FER: variants seen among roughly 807,000 people sequenced by gnomAD.
FER encodes the protein FER tyrosine kinase.
In FER, 63 loss-of-function variants were observed where a neutral mutation model predicts 111.0. That is an observed-to-expected ratio of 0.57 (90% CI 0.46 to 0.70). FER has a LOEUF of 0.70. Among genes scored for constraint, FER ranks in the 30% least tolerant of loss-of-function variants. The pLI, the probability that FER is intolerant of heterozygous loss-of-function variation, is 0.00. For synonymous variants in FER, 327 were observed against 313.9 expected (o/e 1.04, Z -0.44); for missense variants, 914 against 954.0 (o/e 0.96, Z 0.55).
intron 3 of FER, among the ~76,000 whole-genome samples, chr5:108,816,132 A>T (rs951689316): frequency 6.6e-6 from 1 of 152,206 alleles, no homozygotes; most frequent in Non-Finnish European, 1.5e-5. Flanking sequence ...CAAAAAAAAA[A>T]CCATGAGTTT....
intron 13 of FER, among the ~76,000 whole-genome samples, chr5:108,964,549 T>C (rs1056905637): frequency 1.3e-5 from 2 of 151,944 alleles, no homozygotes; most frequent in Non-Finnish European, 2.9e-5. Context: ...ACTACAGAGG[T>C]TAGTATGGCT....
intron 17 of FER, among the ~76,000 whole-genome samples, chr5:109,143,347 T>C (rs1288810720): frequency 6.6e-6 from 1 of 152,146 alleles, no homozygotes; most frequent in African/African-American, 2.4e-5. Flanking sequence ...AAAGATAGAT[T>C]GTCTAATCAG....
chr5:109,018,782 C>G (rs1231099075), intron 13 of FER, among the ~76,000 whole-genome samples: 1 of 151,718 alleles, frequency 6.6e-6, no homozygotes, highest in South Asian at 2.1e-4. Context: ...AAAATATGAA[C>G]CTTTAGAAGG....
intron 3 of FER, among the ~76,000 whole-genome samples, chr5:108,827,483 C>T (rs1026827806): frequency 1.3e-5 from 2 of 152,098 alleles, no homozygotes; most frequent in Non-Finnish European, 2.9e-5. Flanking sequence ...TGTCAAAGTT[C>T]TCATAAGTTA....
chr5:108,934,554 T>C (rs36071908), intron 10 of FER, among the ~76,000 whole-genome samples: 5,382 of 152,298 alleles, frequency 0.035, 126 homozygotes, highest in South Asian at 0.08. Context: ...TCTTTGCTGA[T>C]ATCTAATCAG....
rs141877876 is a variant in FER, at chr5:109,096,868, C to G, written c.1925-3528C>G. 3.2e-3 allele frequency among the ~76,000 whole-genome samples: 490 copies of G among 151,230 alleles called. 1 individual carries two copies. The highest frequency in any genetic ancestry group is 0.029 in the East Asian group (149 of 5,148). ...AGATGTTATACAGCAAACACCAAGT[C>G]CCTACTACAACCCTTTCTCATTTGT... On this transcript the variant is annotated intron_variant, in intron 16 of 19. Coordinates refer to ENST00000281092, the MANE Select transcript of FER (RefSeq NM_005246.4).
chr5:108,942,282 ACC>A lies in FER; in HGVS notation c.1237-3847_1237-3846del, dbSNP rs1756379122. Among the ~76,000 whole-genome samples, 4 of 152,214 alleles carry A rather than the reference ACC, an allele frequency of 2.6e-5. No individual in the cohort carries two copies. In the South Asian group the frequency reaches 8.3e-4, roughly 32 times the overall value. On this transcript the variant is annotated intron_variant, in intron 10 of 19. Transcript: ENST00000281092. ...AAAGAATGATTTATGACATTTTACA[ACC>A]TGGATCTCACCGAACTCTATTCTGT... is the stretch of plus-strand genomic sequence containing the variant.
chr5:109,076,664 C>T (rs999147632), intron 16 of FER, among the ~76,000 whole-genome samples: 3 of 152,128 alleles, frequency 2.0e-5, no homozygotes, highest in Admixed American at 6.6e-5. Context: ...TCTCGAACTC[C>T]TGGGCTCATG....
chr5:109,052,692 G>C (rs1416716886), intron 16 of FER, among the ~76,000 whole-genome samples: 5 of 152,190 alleles, frequency 3.3e-5, no homozygotes, highest in Admixed American at 3.3e-4. Context: ...TGTATGATTA[G>C]ATCAGGCACA....
intron 13 of FER, among the ~76,000 whole-genome samples, chr5:108,978,793 A>T (rs1761701889): frequency 6.6e-6 from 1 of 152,346 alleles, no homozygotes; most frequent in South Asian, 2.1e-4. Context: ...ATAATTAATA[A>T]GTCAGAGACA....
chr5:108,748,962 A>C (rs935773457), intron 1 of FER: 15 of 151,074 alleles, frequency 9.9e-5, no homozygotes, highest in Admixed American at 8.6e-4. Context: ...CTGGCTCCGG[A>C]GTCTGAGGGG....
chr5:109,029,041 A>G (rs931191612), intron 13 of FER, among the ~76,000 whole-genome samples: 1 of 152,182 alleles, frequency 6.6e-6, no homozygotes, highest in African/African-American at 2.4e-5. Flanking sequence ...ATTACTCAGT[A>G]ACTTTTGAAC....
intron 17 of FER, among the ~76,000 whole-genome samples, chr5:109,167,496 G>T (rs186045777): frequency 1.2e-3 from 183 of 152,186 alleles, no homozygotes; most frequent in African/African-American, 4.4e-3. Flanking sequence ...CACCATCATT[G>T]TCAAATATGT....
intron 17 of FER, among the ~76,000 whole-genome samples, chr5:109,165,048 T>C (rs1756390839): frequency 6.6e-6 from 1 of 152,174 alleles, no homozygotes; most frequent in Non-Finnish European, 1.5e-5. Flanking sequence ...GATGATGTAT[T>C]ATTTAACTAG....
intron 13 of FER, among the ~76,000 whole-genome samples, chr5:108,970,517 G>A (rs1010002518): frequency 6.6e-6 from 1 of 152,124 alleles, no homozygotes; most frequent in African/African-American, 2.4e-5. Context: ...ACTGCGCCCA[G>A]CCTATACTTT....
At chr5:108,853,698 A>C (rs879384548) in intron 5 of FER, among the ~76,000 whole-genome samples, 1 of 152,188 alleles carries the variant, frequency 6.6e-6, no homozygotes, top group Non-Finnish European at 1.5e-5. Context: ...GCATGGAGGT[A>C]TGAGATGAGG....
At chr5:108,827,716 G>C (rs945634362) in intron 3 of FER, among the ~76,000 whole-genome samples, 1 of 151,130 alleles carries the variant, frequency 6.6e-6, no homozygotes, top group African/African-American at 2.4e-5. Flanking sequence ...TGTTTCATAC[G>C]TATTGCATAT....
intron 3 of FER, among the ~76,000 whole-genome samples, chr5:108,828,089 C>T (rs570336189): frequency 3.3e-5 from 5 of 152,086 alleles, no homozygotes; most frequent in East Asian, 1.9e-4. Flanking sequence ...AGGCTACTCT[C>T]GAGCTCCTGG....
intron 13 of FER, among the ~76,000 whole-genome samples, chr5:108,994,943 T>G (rs1415031335): frequency 6.6e-6 from 1 of 152,198 alleles, no homozygotes; most frequent in Non-Finnish European, 1.5e-5. Context: ...ATGCTTGTGA[T>G]TTTTGCACAT....
Sources: gnomAD v4.1 joint callset for allele counts (sites outside exome capture counted in the v4.1 genomes callset) on GRCh38, gnomAD v4.1.1 for gene constraint, MANE v1.5 for transcripts, NCBI Gene and HGNC (gene_info 2026-07-23, HGNC 2026-07-21) for gene names.